Variants in PHACTR1 observed in about 807,000 individuals in gnomAD.
PHACTR1 encodes the protein phosphatase and actin regulator 1.
A neutral mutation model predicts 69.2 loss-of-function variants in PHACTR1; 16 were observed. The ratio of observed to expected loss-of-function variants is 0.23; its 90% CI spans 0.16 to 0.35. The LOEUF is 0.35. PHACTR1 is among the 10% of genes least tolerant of loss of function. PHACTR1 has a pLI of 1.00. For synonymous variants in PHACTR1, 312 were observed against 284.5 expected, an observed-to-expected ratio of 1.10 and a Z score of -0.97; for missense variants, 510 against 734.7, an observed-to-expected ratio of 0.69 and a Z score of 3.54.
chr6:12,960,610 A>G (rs1409737740), intron 4 of PHACTR1, among the ~76,000 whole-genome samples: 1 of 152,182 alleles, frequency 6.6e-6, no homozygotes, highest in Non-Finnish European at 1.5e-5. Context: ...AGGGTCCAAC[A>G]AGGACAAAGT....
At chr6:13,218,083 T>TA (rs1767956575) in intron 8 of PHACTR1, among the ~76,000 whole-genome samples, 1 of 152,266 alleles carries the variant, frequency 6.6e-6, no homozygotes, top group African/African-American at 2.4e-5. Flanking sequence ...TTCTTTTTTT[T>TA]AACAGTGGAT....
intron 4 of PHACTR1, among the ~76,000 whole-genome samples, chr6:12,907,310 G>A (rs1253283486): frequency 2.0e-5 from 3 of 152,208 alleles, no homozygotes; most frequent in South Asian, 2.1e-4. Context: ...TCAGCTTGAG[G>A]TTTTTATTTC....
intron 10 of PHACTR1, among the ~76,000 whole-genome samples, chr6:13,240,429 G>T (rs550713819): frequency 4.2e-4 from 61 of 144,988 alleles, no homozygotes; most frequent in African/African-American, 1.4e-3. Context: ...GTTTTTTTTT[G>T]TTGTTGTTTT....
At chr6:12,788,396 A>G (rs780334238) in intron 4 of PHACTR1, among the ~76,000 whole-genome samples, 6 of 152,196 alleles carry the variant, frequency 3.9e-5, no homozygotes, top group Non-Finnish European at 8.8e-5. Flanking sequence ...CTTAGTGATG[A>G]TATACAAAAT....
chr6:12,799,458 A>G (rs1438151870), intron 4 of PHACTR1, among the ~76,000 whole-genome samples: 1 of 152,156 alleles, frequency 6.6e-6, no homozygotes. Flanking sequence ...AAAGAACTAT[A>G]TTGTCTTCCT....
intron 4 of PHACTR1, among the ~76,000 whole-genome samples, chr6:12,958,680 A>G (rs1049838770): frequency 4.6e-5 from 7 of 152,230 alleles, no homozygotes; most frequent in Admixed American, 6.5e-5. Flanking sequence ...GAAAGAGTTC[A>G]TTTCTAATTG....
chr6:12,908,842 C>T (rs917844217), intron 4 of PHACTR1, among the ~76,000 whole-genome samples: 1 of 152,190 alleles, frequency 6.6e-6, no homozygotes, highest in Non-Finnish European at 1.5e-5. Flanking sequence ...CTTGTAGGTC[C>T]TTGTAGGTTT....
chr6:12,949,269 C>CAAAAA (rs201027793), intron 4 of PHACTR1, among the ~76,000 whole-genome samples: 45 of 56,944 alleles, frequency 7.9e-4, no homozygotes, highest in African/African-American at 1.5e-3. Flanking sequence ...AACGTCATCT[C>CAAAAA]AAAAAAAAAA....
chr6:13,063,412 C>G (rs1469212593), intron 5 of PHACTR1, among the ~76,000 whole-genome samples: 1 of 152,088 alleles, frequency 6.6e-6, no homozygotes, highest in Non-Finnish European at 1.5e-5. Context: ...GAGGAAATCT[C>G]TCCTGGTGGG....
At chr6:12,745,043 A>G (rs1240708177) in intron 3 of PHACTR1, among the ~76,000 whole-genome samples, 1 of 152,182 alleles carries the variant, frequency 6.6e-6, no homozygotes, top group African/African-American at 2.4e-5. Flanking sequence ...GGGGCCTGAA[A>G]AATAGACATT....
chr6:12,962,263 A>G (rs995619228), intron 4 of PHACTR1, among the ~76,000 whole-genome samples: 15 of 152,064 alleles, frequency 9.9e-5, no homozygotes, highest in Admixed American at 2.0e-4. Context: ...ATATTGGATT[A>G]TCCCTCACCC....
chr6:13,282,353 C>T (rs1018799320), intron 12 of PHACTR1, among the ~76,000 whole-genome samples: 8 of 152,156 alleles, frequency 5.3e-5, no homozygotes, highest in Non-Finnish European at 1.0e-4. Context: ...AAATGTCAGC[C>T]TTATGTTGCT....
chr6:12,870,436 C>G (rs1781914273), intron 4 of PHACTR1, among the ~76,000 whole-genome samples: 1 of 152,040 alleles, frequency 6.6e-6, no homozygotes, highest in South Asian at 2.1e-4. Flanking sequence ...TATCAACTCC[C>G]CATTTGGAGA....
chr6:12,877,542 A>G (rs1202843432), intron 4 of PHACTR1, among the ~76,000 whole-genome samples: 2 of 152,102 alleles, frequency 1.3e-5, no homozygotes, highest in African/African-American at 2.4e-5. Context: ...AATGTGCCCA[A>G]TCACAGCCGT....
chr6:13,104,107 A>T lies in PHACTR1; in HGVS notation c.415+50578A>T, dbSNP rs369710150. Among the ~76,000 whole-genome samples, 19 of 151,796 alleles carry T rather than the reference A, an allele frequency of 1.3e-4. 1 individual carries two copies. The highest frequency in any genetic ancestry group is 9.8e-4 in the Admixed American group (15 of 15,236). On this transcript the variant is annotated intron_variant, in intron 5 of 14. Transcript: ENST00000332995. Reference sequence around the variant, plus strand: ...CTCAAAAAAATAAAAAATAAAGAAAATTTTTTTCGAAAAGAATTTCACCTA... The same window carrying T: ...CTCAAAAAAATAAAAAATAAAGAAATTTTTTTTCGAAAAGAATTTCACCTA...
intron 5 of PHACTR1, among the ~76,000 whole-genome samples, chr6:13,062,521 C>T (rs1807827615): frequency 6.6e-6 from 1 of 152,158 alleles, no homozygotes; most frequent in East Asian, 1.9e-4. Flanking sequence ...AATTATTCTT[C>T]TTTAAATAAA....
chr6:12,993,203 T>C (rs1797020529), intron 4 of PHACTR1, among the ~76,000 whole-genome samples: 2 of 152,252 alleles, frequency 1.3e-5, no homozygotes, highest in South Asian at 4.1e-4. Context: ...GAAACCTTAC[T>C]GAGGACTCTC....
intron 4 of PHACTR1, among the ~76,000 whole-genome samples, chr6:12,839,765 A>G (rs1353626503): frequency 6.6e-6 from 1 of 152,160 alleles, no homozygotes; most frequent in Non-Finnish European, 1.5e-5. Context: ...AGTAAGATCA[A>G]TTGTCTATGG....
chr6:13,222,811 T>G (rs1160307157), intron 8 of PHACTR1, among the ~76,000 whole-genome samples: 2 of 152,196 alleles, frequency 1.3e-5, no homozygotes, highest in Non-Finnish European at 2.9e-5. Flanking sequence ...TGTACTACAA[T>G]GCACAGGACA....
Sources: gnomAD v4.1 joint callset for allele counts (sites outside exome capture counted in the v4.1 genomes callset) on GRCh38, gnomAD v4.1.1 for gene constraint, MANE v1.5 for transcripts, NCBI Gene and HGNC (gene_info 2026-07-23, HGNC 2026-07-21) for gene names.